Variants in GSTO1 observed in about 807,000 individuals in gnomAD.
GSTO1 encodes the protein glutathione S-transferase omega-1.
Under a neutral mutation model 23.8 loss-of-function variants are expected in GSTO1, and 27 were observed. That is an observed-to-expected ratio of 1.13 (90% CI 0.83 to 1.56). The LOEUF is 1.56. Among genes scored for constraint, GSTO1 ranks in the 40% most tolerant of loss-of-function variants. The pLI is 0.00. For missense variants in GSTO1, 255 were observed against 285.8 expected, an observed-to-expected ratio of 0.89 and a Z score of 0.78; for synonymous variants, 105 against 109.3, an observed-to-expected ratio of 0.96 and a Z score of 0.25.
chr10:104,262,569 T>C (rs561785564), intron 3 of GSTO1, among the ~76,000 whole-genome samples: 1 of 152,098 alleles, frequency 6.6e-6, no homozygotes, highest in South Asian at 2.1e-4. Context: ...AAAATTAGCC[T>C]GGCGTGGTGG....
At chr10:104,263,117 C>A in intron 4 of GSTO1, 40 bp downstream of exon 4, 1 of 794,378 alleles carries the variant, frequency 1.3e-6, no homozygotes, top group Non-Finnish European at 2.2e-6. Context: ...TAAACGATAA[C>A]TATATCTACC....
Position 104,254,937 on chromosome 10 carries a change from G to A in GSTO1, c.9G>A (p.Gly3=), listed in dbSNP as rs760881698. 1.1e-5 allele frequency: 17 copies of A among 1,611,390 alleles called. No homozygotes were observed. The highest frequency in any genetic ancestry group is 1.3e-5 in the Non-Finnish European group (15 of 1,179,330). MS[G]ESARSLGKGS... ...GCCTGCGCTGCGCCACGATGTCCGG[G>A]GAGTCAGCCAGGAGCTTGGGGAAGG... Residue 3 remains glycine, a synonymous_variant, in exon 1 of 6, where the codon GGG becomes GGA. Transcript: ENST00000369713.
chr10:104,265,838 T>G (rs966921758), intron 4 of GSTO1, among the ~76,000 whole-genome samples: 4 of 152,150 alleles, frequency 2.6e-5, no homozygotes, highest in Non-Finnish European at 4.4e-5. Context: ...GTATTACAAA[T>G]ATGTTGTACT....
At chr10:104,256,137 A>G (rs1256165653) in intron 2 of GSTO1, among the ~76,000 whole-genome samples, 2 of 152,214 alleles carry the variant, frequency 1.3e-5, no homozygotes, top group Non-Finnish European at 2.9e-5. Context: ...CCTAAAAGAA[A>G]GGTAAAATGC....
intron 2 of GSTO1, among the ~76,000 whole-genome samples, chr10:104,258,536 CT>C (rs2011112043): frequency 6.6e-6 from 1 of 152,174 alleles, no homozygotes; most frequent in Non-Finnish European, 1.5e-5. Context: ...ATCTCTACAA[CT>C]CAACAACAAA....
chr10:104,263,056 A>T lies in GSTO1; in HGVS notation c.444A>T (p.Lys148Asn). The change falls in exon 4 of 6, where the codon AAA (lysine) becomes AAT (asparagine). Residue 148 changes from lysine (K) to asparagine (N), a missense_variant. Coordinates refer to ENST00000369713, the MANE Select transcript of GSTO1 (RefSeq NM_004832.3). ...CTGGCCTAAAAGAAGAATTTCGTAAAGAATTTACCAAGCTAGAGGAGGTAA... is the reference window on the plus strand; with the variant it reads ...CTGGCCTAAAAGAAGAATTTCGTAATGAATTTACCAAGCTAGAGGAGGTAA... ...DYAGLKEEFR[K>N]EFTKLEEVLT... 1 of 1,473,458 alleles carries T rather than the reference A, an allele frequency of 6.8e-7. No individual in the cohort carries two copies. Among genetic ancestry groups the T allele is most frequent in the African/African-American group, 1.4e-5 (1 of 73,004 alleles). The allele number at this position is 1,473,458 out of a possible 1,614,324, so 91.3% of individuals were successfully genotyped here.
At chr10:104,260,562 G>A (rs1433579527) in intron 3 of GSTO1, among the ~76,000 whole-genome samples, 1 of 152,206 alleles carries the variant, frequency 6.6e-6, no homozygotes, top group African/African-American at 2.4e-5. Context: ...CAATCCTGTA[G>A]AAGAACTGTT....
chr10:104,265,972 A>G (rs2011177221), intron 4 of GSTO1, 112 bp from the exon 5 acceptor site: 1 of 589,920 alleles, frequency 1.7e-6, no homozygotes, highest in Non-Finnish European at 3.1e-6. Context: ...ACTTGGATAC[A>G]TCGGAGTAAA....
chr10:104,258,789 A>G (rs1042531021), intron 2 of GSTO1, among the ~76,000 whole-genome samples: 1 of 152,214 alleles, frequency 6.6e-6, no homozygotes, highest in African/African-American at 2.4e-5. Context: ...TCGAGGCTGC[A>G]GTGAGCTGCG....
chr10:104,254,897 C>T lies in GSTO1; in HGVS notation c.-32C>T. The T allele has an allele frequency of 6.2e-7, 1 of 1,608,022 alleles. No individual in the cohort carries two copies. The highest frequency in any genetic ancestry group is 1.1e-5 in the South Asian group (1 of 90,082). On this transcript the variant is annotated 5_prime_UTR_variant, in exon 1 of 6. Transcript: ENST00000369713. ...ACCTACTTCCTGAATCCCCTGCAAA[C>T]CCCAGAGGAGCTCGGCCTGCGCTGC... is the stretch of plus-strand genomic sequence containing the variant.
At position 104,259,622 on chromosome 10, in the gene GSTO1, T is replaced by G. The variant is rs762588581; in HGVS notation, c.190T>G (p.Phe64Val). The G allele has an allele frequency of 6.2e-7, 1 of 1,613,508 alleles. No homozygotes were observed. Among genetic ancestry groups the G allele is most frequent in the Non-Finnish European group, 8.5e-7 (1 of 1,179,570 alleles). ...CCTGAAAAATAAGCCTGAGTGGTTCTTTAAGAAAAATCCCTTTGGTCTGGT... is the reference window on the plus strand; with the variant it reads ...CCTGAAAAATAAGCCTGAGTGGTTCGTTAAGAAAAATCCCTTTGGTCTGGT... Reference protein sequence around the residue: ...INLKNKPEWFFKKNPFGLVPV... With the variant: ...INLKNKPEWFVKKNPFGLVPV... The change falls in exon 3 of 6, where the codon TTT becomes GTT. Residue 64 changes from phenylalanine to valine, a missense_variant. By Grantham distance (50) the Phe-to-Val change is conservative. Transcript: ENST00000369713.
intron 4 of GSTO1, among the ~76,000 whole-genome samples, chr10:104,264,040 G>A (rs1206737345): frequency 6.6e-6 from 1 of 152,090 alleles, no homozygotes; most frequent in Non-Finnish European, 1.5e-5. Flanking sequence ...GTTCATAAAT[G>A]AGATTGGCCT....
upstream of GSTO1, chr10:104,254,316 T>C (rs533702987): frequency 1.3e-5 from 2 of 154,368 alleles, no homozygotes; most frequent in East Asian, 3.9e-4. Flanking sequence ...AACAAGGAAT[T>C]TCCTTGGGGA....
chr10:104,262,723 A>G (rs1031378200), intron 3 of GSTO1, among the ~76,000 whole-genome samples: 5 of 152,208 alleles, frequency 3.3e-5, no homozygotes, highest in African/African-American at 7.2e-5. Context: ...AAAAAGAAAG[A>G]AAGTTGTTTC....
At chr10:104,254,887 C>G, upstream of GSTO1, 1 of 1,599,270 alleles carries the variant, frequency 6.3e-7, no homozygotes, top group Non-Finnish European at 8.5e-7. Context: ...CTTCCTGAAT[C>G]CCCTGCAAAC....
intron 3 of GSTO1, among the ~76,000 whole-genome samples, chr10:104,261,445 T>G (rs527877012): frequency 9.9e-5 from 15 of 152,234 alleles, no homozygotes; most frequent in African/African-American, 3.6e-4. Context: ...CCAGTTATCT[T>G]CTCTCCTGGG....
rs2011121804 is a variant in GSTO1, at chr10:104,259,574, A to G, written c.144-2A>G. 6.3e-7 allele frequency: 1 copy of G among 1,579,698 alleles called. No individual in the cohort carries two copies. On this transcript the variant is annotated splice_acceptor_variant, in intron 2 of 5. Coordinates refer to ENST00000369713, the MANE Select transcript of GSTO1 (RefSeq NM_004832.3). LOFTEE classifies it high-confidence loss of function. Reference sequence around the variant, plus strand: ...CTTCATAGTCTCCTATGTGTCTTTCAGGCATGAAGTCATCAATATCAACCT... The same window carrying G: ...CTTCATAGTCTCCTATGTGTCTTTCGGGCATGAAGTCATCAATATCAACCT...
intron 3 of GSTO1, among the ~76,000 whole-genome samples, chr10:104,262,161 G>C (rs934868884): frequency 6.6e-6 from 1 of 152,154 alleles, no homozygotes; most frequent in Non-Finnish European, 1.5e-5. Context: ...AGAGCTTCTG[G>C]GTTTCAGCAG....
At chr10:104,264,585 A>G (rs1459602118) in intron 4 of GSTO1, among the ~76,000 whole-genome samples, 1 of 152,192 alleles carries the variant, frequency 6.6e-6, no homozygotes, top group Non-Finnish European at 1.5e-5. Flanking sequence ...TTTTCAAATG[A>G]TTGTCATCTG....
Sources: gnomAD v4.1 joint callset for allele counts (sites outside exome capture counted in the v4.1 genomes callset) on GRCh38, gnomAD v4.1.1 for gene constraint, MANE v1.5 for transcripts, NCBI Gene and HGNC (gene_info 2026-07-23, HGNC 2026-07-21) for gene names.